FHOD3: variants seen among roughly 807,000 people sequenced by gnomAD.
FHOD3 encodes the protein formin homology 2 domain containing 3.
Under a neutral mutation model 173.0 loss-of-function variants are expected in FHOD3, and 90 were observed. The ratio of observed to expected loss-of-function variants is 0.52; its 90% CI spans 0.44 to 0.62. The LOEUF is 0.62. Ranked by LOEUF, FHOD3 falls within the 20% of genes least tolerant of loss-of-function variation. FHOD3 has a pLI of 0.00. For synonymous variants in FHOD3, 828 were observed against 823.0 expected (o/e 1.01, Z -0.10); for missense variants, 1,945 against 2,034.7 (o/e 0.96, Z 0.85).
At chr18:36,304,953 TA>T (rs1237794772) in intron 1 of FHOD3, among the ~76,000 whole-genome samples, 1 of 152,212 alleles carries the variant, frequency 6.6e-6, no homozygotes, top group African/African-American at 2.4e-5. Context: ...CCGCCTTCAG[TA>T]TGCCTCAGAA....
chr18:36,535,941 T>G (rs556194770), intron 5 of FHOD3, among the ~76,000 whole-genome samples: 437 of 152,312 alleles, frequency 2.9e-3, no homozygotes, highest in African/African-American at 9.8e-3. Flanking sequence ...ATTTGCAGAT[T>G]TTTTAATTGA....
chr18:36,371,667 T>C (rs1178835126), intron 2 of FHOD3, among the ~76,000 whole-genome samples: 2 of 152,222 alleles, frequency 1.3e-5, no homozygotes, highest in African/African-American at 2.4e-5. Context: ...ATGTAATTGA[T>C]GTAGTCATTA....
chr18:36,550,546 A>G (rs1242112071), intron 5 of FHOD3, among the ~76,000 whole-genome samples: 1 of 152,128 alleles, frequency 6.6e-6, no homozygotes, highest in African/African-American at 2.4e-5. Context: ...GGGAGAATTG[A>G]TATCTTCAAA....
At chr18:36,462,314 T>C (rs116656174) in intron 3 of FHOD3, among the ~76,000 whole-genome samples, 5,232 of 152,010 alleles carry the variant, frequency 0.034, 276 homozygotes, top group African/African-American at 0.12. Flanking sequence ...TGTGTTTGTT[T>C]TGTTTTGCTT....
chr18:36,347,790 C>A (rs1157126949), intron 1 of FHOD3, among the ~76,000 whole-genome samples: 4 of 152,192 alleles, frequency 2.6e-5, no homozygotes, highest in Non-Finnish European at 5.9e-5. Flanking sequence ...GAATTGATTT[C>A]ATGTAGTCTT....
chr18:36,470,399 A>G (rs1297799234), intron 3 of FHOD3, among the ~76,000 whole-genome samples: 2 of 152,220 alleles, frequency 1.3e-5, no homozygotes, highest in Non-Finnish European at 2.9e-5. Flanking sequence ...TTTACCGTTC[A>G]CGTCTATGAC....
chr18:36,637,872 A>G (rs745653268), intron 10 of FHOD3, among the ~76,000 whole-genome samples: 1 of 152,222 alleles, frequency 6.6e-6, no homozygotes, highest in African/African-American at 2.4e-5. Flanking sequence ...TAAAACGTCT[A>G]CTTTTGGATG....
At chr18:36,532,341 C>T (rs532638030) in intron 5 of FHOD3, among the ~76,000 whole-genome samples, 1 of 152,208 alleles carries the variant, frequency 6.6e-6, no homozygotes, top group African/African-American at 2.4e-5. Flanking sequence ...ATACGCTCCT[C>T]TTCCCTGGCC....
intron 28 of FHOD3, among the ~76,000 whole-genome samples, chr18:36,769,810 C>G (rs182869137): frequency 6.6e-6 from 1 of 152,272 alleles, no homozygotes; most frequent in East Asian, 1.9e-4. Flanking sequence ...CTGCACCCAG[C>G]ACCAGGGGGC....
chr18:36,398,908 G>A (rs894982395), intron 3 of FHOD3, among the ~76,000 whole-genome samples: 1 of 152,164 alleles, frequency 6.6e-6, no homozygotes, highest in Non-Finnish European at 1.5e-5. Flanking sequence ...GGAGAAATAT[G>A]TGTGGCATGT....
intron 6 of FHOD3, among the ~76,000 whole-genome samples, chr18:36,580,615 C>G (rs1229406855): frequency 6.6e-6 from 1 of 152,198 alleles, no homozygotes; most frequent in Non-Finnish European, 1.5e-5. Flanking sequence ...CTACATAGTT[C>G]TAATGAGATC....
intron 14 of FHOD3, among the ~76,000 whole-genome samples, chr18:36,678,919 A>T (rs1235630776): frequency 1.6e-5 from 2 of 128,872 alleles, no homozygotes; most frequent in African/African-American, 6.0e-5. Context: ...GTGTCAGAGT[A>T]ATATGAATCA....
At chr18:36,438,315 A>G (rs1331716427) in intron 3 of FHOD3, among the ~76,000 whole-genome samples, 2 of 151,252 alleles carry the variant, frequency 1.3e-5, no homozygotes, top group Non-Finnish European at 3.0e-5. Context: ...GTTACCTGCA[A>G]CCTCCTCCTT....
At chr18:36,398,638 C>T (rs2048664322) in intron 3 of FHOD3, among the ~76,000 whole-genome samples, 1 of 152,172 alleles carries the variant, frequency 6.6e-6, no homozygotes, top group Admixed American at 6.5e-5. Context: ...AGGTGGGTGC[C>T]TGCTGTATGG....
intron 5 of FHOD3, among the ~76,000 whole-genome samples, chr18:36,555,437 A>T (rs1337861227): frequency 6.6e-6 from 1 of 151,858 alleles, no homozygotes; most frequent in African/African-American, 2.4e-5. Flanking sequence ...CTTTAAATAT[A>T]CCGAGAGTGT....
At chr18:36,654,080 C>A (rs577474435) in intron 13 of FHOD3, among the ~76,000 whole-genome samples, 1 of 151,996 alleles carries the variant, frequency 6.6e-6, no homozygotes, top group East Asian at 1.9e-4. Flanking sequence ...CAGTCACTTT[C>A]TCTCCTTACT....
chr18:36,615,407 GA>G (rs147465467), intron 9 of FHOD3, among the ~76,000 whole-genome samples: 21 of 151,034 alleles, frequency 1.4e-4, no homozygotes, highest in African/African-American at 3.6e-4. Flanking sequence ...AAGCATAAGA[GA>G]AAAAAAAATC....
At chr18:36,436,188 T>G (rs1424053062) in intron 3 of FHOD3, among the ~76,000 whole-genome samples, 1 of 152,224 alleles carries the variant, frequency 6.6e-6, no homozygotes, top group Non-Finnish European at 1.5e-5. Context: ...ATGGAAAAGT[T>G]CTGTGGAAAA....
intron 3 of FHOD3, among the ~76,000 whole-genome samples, chr18:36,482,854 CACACAGAGAGAGAGAGAGAG>C (rs1266285452): frequency 1.0e-5 from 1 of 97,968 alleles, no homozygotes. Flanking sequence ...CACTCACACA[CACACAGAGAGAGAGAGAGAG>C]AGAGAGAGAG....
Sources: allele counts gnomAD v4.1 joint callset (sites outside exome capture counted in the v4.1 genomes callset), GRCh38; gene constraint gnomAD v4.1.1; transcripts MANE v1.5; gene names NCBI Gene and HGNC (gene_info 2026-07-23, HGNC 2026-07-21).